Variants in FARSA observed in about 807,000 individuals in gnomAD.
The protein encoded by FARSA is phenylalanine--tRNA ligase alpha subunit.
In FARSA, 37 loss-of-function variants were observed where a neutral mutation model predicts 63.2. The ratio of observed to expected loss-of-function variants is 0.59; its 90% CI spans 0.45 to 0.77. The LOEUF (loss-of-function observed/expected upper bound fraction) is 0.77. FARSA is among the 30% of genes least tolerant of loss of function. The pLI is 0.00. For missense variants in FARSA, 618 were observed against 696.6 expected (o/e 0.89, Z 1.27); for synonymous variants, 312 against 285.1 (o/e 1.09, Z -0.95).
chr19:12,928,016 CCT>C (rs1316648695), intron 7 of FARSA, among the ~76,000 whole-genome samples: 2 of 96,116 alleles, frequency 2.1e-5, no homozygotes, highest in African/African-American at 9.0e-5. Context: ...AGAGTGAGAC[CCT>C]GTCTCAAAAA....
chr19:12,932,036 A>ATTTTT (rs35705523), intron 1 of FARSA, among the ~76,000 whole-genome samples: 1 of 132,476 alleles, frequency 7.5e-6, no homozygotes, highest in Admixed American at 8.1e-5. Context: ...CACTGCATAA[A>ATTTTT]TTTTTTTTTT....
chr19:12,928,379 G>C lies in FARSA; in HGVS notation c.804C>G (p.His268Gln). 1 of 1,614,152 alleles carries C rather than the reference G, an allele frequency of 6.2e-7. No homozygotes were observed. Among genetic ancestry groups the C allele is most frequent in the Non-Finnish European group, 8.5e-7 (1 of 1,180,028 alleles). ...NFDALFQPQQ[H>Q]PARDQHDTFF... ...AGGTGTCGTGCTGGTCACGGGCTGG[G>C]TGCTGCTGGGGCTGGAAGAGGGCGT... Residue 268 changes from histidine (H) to glutamine (Q), a missense_variant, in exon 7 of 13, where the codon CAC becomes CAG. By Grantham distance (24) the His-to-Gln change is conservative (BLOSUM62 0). Coordinates refer to ENST00000314606, the MANE Select transcript of FARSA (RefSeq NM_004461.3).
Position 12,933,655 on chromosome 19 carries a change from C to T in FARSA, c.42G>A (p.Leu14=). Residue 14 remains leucine (L), a synonymous_variant, in exon 1 of 13, where the codon CTG becomes CTA. Coordinates refer to ENST00000314606, the MANE Select transcript of FARSA (RefSeq NM_004461.3). ...GQVAELLLRR[L]EASDGGLDSA... is the part of the protein sequence containing the mutation. Reference sequence around the variant, plus strand: ...TGTCCAGGCCGCCATCAGACGCCTCCAGCCGCCGGAGCAGCAGTTCCGCCA... The same window carrying T: ...TGTCCAGGCCGCCATCAGACGCCTCTAGCCGCCGGAGCAGCAGTTCCGCCA... The T allele has an allele frequency of 6.4e-7, 1 of 1,568,072 alleles. No homozygotes were observed. Among genetic ancestry groups the T allele is most frequent in the Non-Finnish European group, 8.6e-7 (1 of 1,160,734 alleles).
At chr19:12,923,117 C>G (rs1006346800) in intron 12 of FARSA, among the ~76,000 whole-genome samples, 3 of 152,156 alleles carry the variant, frequency 2.0e-5, no homozygotes, top group African/African-American at 7.2e-5. Flanking sequence ...TTTGAACTGA[C>G]TGTGACCACT....
At position 12,924,329 on chromosome 19, in the gene FARSA, G is replaced by A. The variant is rs1971299937; in HGVS notation, c.1274-64C>T. 4 of 1,550,366 alleles carry A rather than the reference G, an allele frequency of 2.6e-6. No individual in the cohort carries two copies. In the African/African-American group the frequency reaches 4.1e-5, roughly 16 times the overall value. ...GAGTTTCTGGGCACTGCTGGTACAGGTTCTGGGTCTAGGTGGTGAGCTTGG... is the reference window on the plus strand; with the variant it reads ...GAGTTTCTGGGCACTGCTGGTACAGATTCTGGGTCTAGGTGGTGAGCTTGG... On this transcript the variant is annotated intron_variant, in intron 11 of 12. Transcript: ENST00000314606. The surrounding 1 kb of genome is among the most constrained non-coding windows in gnomAD (Gnocchi z 6.4).
In FARSA at chr19:12,928,642, G is replaced by A. The variant is rs11538254; in HGVS notation, c.618C>T (p.Pro206=). The change falls in exon 6 of 13, where the codon CCC becomes CCT. Residue 206 remains proline (P), a synonymous_variant. Coordinates refer to ENST00000314606, the MANE Select transcript of FARSA (RefSeq NM_004461.3). ...GGGCCAAGAAGTTGTAGGGCTTGAA[G>A]GGCCGGTCCCGCCAAGAGCCACTGG... The part of the protein sequence containing the change: ...MISSGSWRDR[P]FKPYNFLAHG... 7 of 1,611,164 alleles carry A rather than the reference G, an allele frequency of 4.3e-6. No homozygotes were observed. Among genetic ancestry groups the A allele is most frequent in the Middle Eastern group, 3.3e-4 (2 of 6,056 alleles).
chr19:12,931,426 G>A (rs1380608065), intron 1 of FARSA, among the ~76,000 whole-genome samples: 1 of 152,100 alleles, frequency 6.6e-6, no homozygotes, highest in Non-Finnish European at 1.5e-5. Context: ...ACCACCCCCA[G>A]CTAATTTTTG....
In FARSA at chr19:12,925,124, G is replaced by C. The variant is rs1405399232; in HGVS notation, c.892C>G (p.Arg298Gly). The part of the protein sequence containing the change: ...LPMDYVQRVK[R>G]THSQGGYGSQ... The stretch of plus-strand genomic sequence containing the variant: ...CCGTAGCCGCCCTGAGAGTGGGTCC[G>C]CTTGACCCGCTGGACATAGTCCATT... The change falls in exon 8 of 13, where the codon CGG becomes GGG. Residue 298 changes from arginine to glycine, a missense_variant. Physicochemically the swap from Arg to Gly is moderately radical, Grantham distance 125. Transcript: ENST00000314606. 1 of 1,607,882 alleles carries C rather than the reference G, an allele frequency of 6.2e-7. No individual in the cohort carries two copies. Among genetic ancestry groups the C allele is most frequent in the Non-Finnish European group, 8.5e-7 (1 of 1,177,814 alleles).
intron 7 of FARSA, 52 bp from the exon 8 acceptor site, chr19:12,925,226 T>C: frequency 1.5e-6 from 2 of 1,340,928 alleles, no homozygotes; most frequent in Non-Finnish European, 2.0e-6. Flanking sequence ...TCCCACCCCT[T>C]TTTTTTTTTC....
Position 12,930,527 on chromosome 19 carries a change from G to T in FARSA, c.286C>A (p.Arg96=). The part of the protein sequence containing the change: ...PEGLAQSELM[R]LPSGKVGFSK... ...AAGCCCACTTTGCCACTGGGCAGTCGCTGGAAAAGAGAGGCTGCAGTGAGT... is the reference window on the plus strand; with the variant it reads ...AAGCCCACTTTGCCACTGGGCAGTCTCTGGAAAAGAGAGGCTGCAGTGAGT... The change falls in exon 3 of 13, where the codon CGA becomes AGA. Residue 96 remains arginine (R), a splice_region_variant and synonymous_variant. Coordinates refer to ENST00000314606, the MANE Select transcript of FARSA (RefSeq NM_004461.3). 2 of 1,613,190 alleles carry T rather than the reference G, an allele frequency of 1.2e-6. No homozygotes were observed. The highest frequency in any genetic ancestry group is 8.5e-7 in the Non-Finnish European group (1 of 1,179,428).
At chr19:12,930,590 C>T in intron 2 of FARSA, 22 bp downstream of exon 2, 1 of 1,607,448 alleles carries the variant, frequency 6.2e-7, no homozygotes, top group Non-Finnish European at 8.5e-7. Context: ...CACTCACTCC[C>T]CATTCACCCC....
chr19:12,930,540 G>A lies in FARSA; in HGVS notation c.286-13C>T. 1 of 1,612,432 alleles carries A rather than the reference G, an allele frequency of 6.2e-7. No homozygotes were observed. Among genetic ancestry groups the A allele is most frequent in the East Asian group, 2.2e-5 (1 of 44,884 alleles). ...CACTGGGCAGTCGCTGGAAAAGAGA[G>A]GCTGCAGTGAGTGGGGCACGAGGGC... On this transcript the variant is annotated splice_polypyrimidine_tract_variant and intron_variant, in intron 2 of 12. Coordinates refer to ENST00000314606, the MANE Select transcript of FARSA (RefSeq NM_004461.3).
chr19:12,928,537 C>T lies in FARSA; in HGVS notation c.723G>A (p.Met241Ile). 4 of 1,614,114 alleles carry T rather than the reference C, an allele frequency of 2.5e-6. No individual in the cohort carries two copies. The highest frequency in any genetic ancestry group is 2.5e-6 in the Non-Finnish European group (3 of 1,180,006). The change falls in exon 6 of 13, where the codon ATG (methionine) becomes ATA (isoleucine). Residue 241 changes from methionine to isoleucine, a missense_variant and splice_region_variant. Physicochemically the swap from Met to Ile is conservative, Grantham distance 10. Coordinates refer to ENST00000314606, the MANE Select transcript of FARSA (RefSeq NM_004461.3). Reference sequence around the variant, plus strand: ...ACCGCCCCCAGCCCTGTGCTCACCCCATCTCCAGGAAGATCTGTCGGAACT... The same window carrying T: ...ACCGCCCCCAGCCCTGTGCTCACCCTATCTCCAGGAAGATCTGTCGGAACT... The part of the protein sequence containing the change: ...RSQFRQIFLE[M>I]GFTEMPTDNF...
In FARSA at chr19:12,924,579, G is replaced by A. The variant is rs1971303433; in HGVS notation, c.1196-53C>T. ...AGCAGGGGTTTGGAGGATAATGCTG[G>A]TGATCAACACACCTGCCCGCTGCCT... On this transcript the variant is annotated intron_variant, in intron 10 of 12. Transcript: ENST00000314606. The surrounding 1 kb of genome is among the most constrained non-coding windows in gnomAD (Gnocchi z 6.4). 2.5e-6 allele frequency: 4 copies of A among 1,612,696 alleles called. No homozygotes were observed. The Admixed American group carries it at 6.7e-5, about 27-fold the overall frequency.
At chr19:12,925,333 A>G (rs1194495528) in intron 7 of FARSA, among the ~76,000 whole-genome samples, 159 bp from the exon 8 acceptor site, 1 of 150,904 alleles carries the variant, frequency 6.6e-6, no homozygotes, top group Non-Finnish European at 1.5e-5. Context: ...CTCGTGCCTC[A>G]GTTTTCTCAT....
chr19:12,926,996 C>A (rs917144309), intron 7 of FARSA, among the ~76,000 whole-genome samples: 1 of 152,208 alleles, frequency 6.6e-6, no homozygotes, highest in Non-Finnish European at 1.5e-5. Flanking sequence ...CCAGGTAAGC[C>A]GGCACCCAAT....
At position 12,924,436 on chromosome 19, in the gene FARSA, G is replaced by C; in HGVS notation, c.1273+13C>G. 1 of 1,612,676 alleles carries C rather than the reference G, an allele frequency of 6.2e-7. No homozygotes were observed. The highest frequency in any genetic ancestry group is 8.5e-7 in the Non-Finnish European group (1 of 1,179,808). ...GACCTCCCTCCCACCCCAGTACCAG[G>C]GCCTACCCTGACCTTGGTGGTAGCT... On this transcript the variant is annotated intron_variant, in intron 11 of 12. Transcript: ENST00000314606. The surrounding 1 kb of genome is among the most constrained non-coding windows in gnomAD (Gnocchi z 6.4).
chr19:12,925,204 T>C (rs1340760809), intron 7 of FARSA, 30 bp from the exon 8 acceptor site: 18 of 1,527,872 alleles, frequency 1.2e-5, no homozygotes, highest in Non-Finnish European at 1.6e-5. Flanking sequence ...ATCAGGTCAG[T>C]CAACGAGCAT....
chr19:12,932,977 G>A (rs1971412618), intron 1 of FARSA: 1 of 152,840 alleles, frequency 6.5e-6, no homozygotes, highest in South Asian at 1.9e-4. Flanking sequence ...AAGGTGATGT[G>A]GATAGCACAC....
Sources: allele counts gnomAD v4.1 joint callset (sites outside exome capture counted in the v4.1 genomes callset), GRCh38; gene constraint gnomAD v4.1.1; non-coding constraint Gnocchi (gnomAD v3.1); transcripts MANE v1.5; gene names NCBI Gene and HGNC (gene_info 2026-07-23, HGNC 2026-07-21).